FAM83C: variants seen among roughly 807,000 people sequenced by gnomAD.
FAM83C encodes scaffolding CK1 anchoring protein C.
In FAM83C, 23 loss-of-function variants were observed where a neutral mutation model predicts 27.1. That is an observed-to-expected ratio of 0.85 (90% CI 0.61 to 1.20). The LOEUF (loss-of-function observed/expected upper bound fraction) is 1.20, where lower values mean the gene tolerates loss of function less well. Among genes scored for constraint, FAM83C ranks in the 50% most tolerant of loss-of-function variants. FAM83C has a pLI of 0.00. For missense variants in FAM83C, 984 were observed against 1,001.3 expected, an observed-to-expected ratio of 0.98 and a Z score of 0.23; for synonymous variants, 426 against 423.1, an observed-to-expected ratio of 1.01 and a Z score of -0.09.
At position 35,287,786 on chromosome 20, in the gene FAM83C, GA is replaced by G; in HGVS notation, c.992del (p.Phe331SerfsTer87). 6.2e-7 allele frequency: 1 copy of G among 1,607,546 alleles called. No individual in the cohort carries two copies. Among genetic ancestry groups the G allele is most frequent in the Non-Finnish European group, 8.5e-7 (1 of 1,176,796 alleles). ...ALRPPPVALA[F>X]RPDVPSPTSS... Reference sequence around the variant, plus strand: ...ACGTGGGGCTTGGGACATCAGGCCTGAAGGCTAGGGCCACAGGGGGAGGACG... The same window carrying G: ...ACGTGGGGCTTGGGACATCAGGCCTGAGGCTAGGGCCACAGGGGGAGGACG... On this transcript the variant is annotated frameshift_variant, in exon 4 of 4. Coordinates refer to ENST00000374408, the MANE Select transcript of FAM83C (RefSeq NM_178468.6). LOFTEE classifies it low-confidence loss of function (END_TRUNC).
chr20:35,287,191 T>C lies in FAM83C; in HGVS notation c.1588A>G (p.Asn530Asp), dbSNP rs200024056. 84 of 1,610,350 alleles carry C rather than the reference T, an allele frequency of 5.2e-5. 2 individuals carry two copies. In the East Asian group the frequency reaches 1.4e-3, roughly 26 times the overall value. Residue 530 changes from asparagine to aspartate, a missense_variant, in exon 4 of 4, where the codon AAC becomes GAC. By Grantham distance (23) the Asn-to-Asp change is conservative (BLOSUM62 1). Transcript: ENST00000374408. ...VGDPDSGVTP[N>D]SGPLRPGEQA... The stretch of plus-strand genomic sequence containing the variant: ...TCGCCAGGCCGAAGGGGGCCTGAGT[T>C]GGGGGTAACCCCAGAGTCAGGGTCT...
chr20:35,291,718 G>A (rs908208109), intron 1 of FAM83C, 74 bp downstream of exon 1: 4 of 1,588,104 alleles, frequency 2.5e-6, no homozygotes, highest in Admixed American at 1.7e-5. Context: ...GTGTGGCCTT[G>A]GGCTGGTCCC....
intron 1 of FAM83C, among the ~76,000 whole-genome samples, chr20:35,290,573 C>T (rs1356885877): frequency 2.0e-5 from 3 of 152,216 alleles, no homozygotes; most frequent in Non-Finnish European, 4.4e-5. Flanking sequence ...CATTGGGCTG[C>T]AGGGCAACGC....
chr20:35,291,574 C>T (rs2060846907), intron 1 of FAM83C, among the ~76,000 whole-genome samples: 1 of 152,338 alleles, frequency 6.6e-6, no homozygotes, highest in East Asian at 1.9e-4. Flanking sequence ...GACACCCATG[C>T]CCTGTTCTAT....
At position 35,286,670 on chromosome 20, in the gene FAM83C, AC is replaced by A; in HGVS notation, c.2108del (p.Gly703ValfsTer18). 6.2e-7 allele frequency: 1 copy of A among 1,612,358 alleles called. No individual in the cohort carries two copies. Among genetic ancestry groups the A allele is most frequent in the Non-Finnish European group, 8.5e-7 (1 of 1,179,650 alleles). ...CACTGTTACCACCATTGAGATGGCC[AC>A]CCTTGGGACCCCCAGGCTCAGTTCC... is the stretch of plus-strand genomic sequence containing the variant. ...RQGTEPGGPK[G>X]GHLNGGNSDL... is the part of the protein sequence containing the mutation. On this transcript the variant is annotated frameshift_variant, in exon 4 of 4. Transcript: ENST00000374408. LOFTEE classifies it high-confidence loss of function.
chr20:35,288,285 A>G (rs1443675385), intron 3 of FAM83C, among the ~76,000 whole-genome samples, 176 bp downstream of exon 3: 1 of 152,214 alleles, frequency 6.6e-6, no homozygotes, highest in East Asian at 1.9e-4. Flanking sequence ...TCATTCCCCT[A>G]GAGTGAGCTC....
chr20:35,287,989 A>T lies in FAM83C; in HGVS notation c.807-17T>A. The T allele has an allele frequency of 6.4e-7, 1 of 1,557,204 alleles. No individual in the cohort carries two copies. The highest frequency in any genetic ancestry group is 1.4e-5 in the African/African-American group (1 of 73,884). ...CAGGTGAAGCTGGGGGCAGAGGGAC[A>T]GGGGGGTCAGGAGGCAAAGTGCAGG... On this transcript the variant is annotated splice_polypyrimidine_tract_variant and intron_variant, in intron 3 of 3. Transcript: ENST00000374408.
chr20:35,288,316 A>G, intron 3 of FAM83C, 145 bp downstream of exon 3: 5 of 1,434,608 alleles, frequency 3.5e-6, no homozygotes, highest in East Asian at 4.7e-5. Context: ...GATGCCCCCG[A>G]CACCCTCCCC....
In FAM83C at chr20:35,286,423, TG is replaced by T; in HGVS notation, c.*111del. On this transcript the variant is annotated 3_prime_UTR_variant, in exon 4 of 4. Transcript: ENST00000374408. ...TTGAGCCCAGAGAGTGTGTCTGACC[TG>T]GGTTTCTAGACACCTCCCTTCCCCA... 1 of 973,498 alleles carries T rather than the reference TG, an allele frequency of 1.0e-6. No homozygotes were observed. The highest frequency in any genetic ancestry group is 1.5e-6 in the Non-Finnish European group (1 of 671,568). 60.3% of individuals were successfully genotyped at this position (973,498 alleles called of 1,614,324 possible). A position where few individuals can be genotyped will look rare whatever the true frequency, so the allele number is the denominator to read the frequency against.
chr20:35,287,708 C>T lies in FAM83C; in HGVS notation c.1071G>A (p.Met357Ile). Residue 357 changes from methionine (M) to isoleucine (I), a missense_variant, in exon 4 of 4, where the codon ATG becomes ATA. Coordinates refer to ENST00000374408, the MANE Select transcript of FAM83C (RefSeq NM_178468.6). Reference sequence around the variant, plus strand: ...GTAGAGCGAGGTAGGAGGAGCGACCCATAAGCGGTGACTGCTTGATGCTGC... The same window carrying T: ...GTAGAGCGAGGTAGGAGGAGCGACCTATAAGCGGTGACTGCTTGATGCTGC... ...SLSSIKQSPLMGRSSYLALPG... is the reference protein window; with the variant it reads ...SLSSIKQSPLIGRSSYLALPG... 1 of 1,613,944 alleles carries T rather than the reference C, an allele frequency of 6.2e-7. No individual in the cohort carries two copies. Among genetic ancestry groups the T allele is most frequent in the Non-Finnish European group, 8.5e-7 (1 of 1,179,882 alleles).
At chr20:35,288,717 G>T in intron 2 of FAM83C, 74 bp downstream of exon 2, 1 of 1,546,118 alleles carries the variant, frequency 6.5e-7, no homozygotes, top group Non-Finnish European at 8.7e-7. Flanking sequence ...GTGCTGACTG[G>T]CCACCCACTG....
intron 1 of FAM83C, 81 bp downstream of exon 1, chr20:35,291,711 T>A: frequency 6.4e-7 from 1 of 1,565,822 alleles, no homozygotes; most frequent in Non-Finnish European, 8.7e-7. Context: ...AGTCGCTGTG[T>A]GGCCTTGGGC....
At chr20:35,289,636 C>T (rs942572197) in intron 1 of FAM83C, among the ~76,000 whole-genome samples, 6 of 152,002 alleles carry the variant, frequency 3.9e-5, no homozygotes, top group South Asian at 2.1e-4. Context: ...CACGCCCAGT[C>T]GCTAGTTTTT....
intron 3 of FAM83C, 123 bp from the exon 4 acceptor site, chr20:35,288,095 G>A: frequency 1.2e-6 from 1 of 855,408 alleles, no homozygotes; most frequent in South Asian, 1.8e-5. Flanking sequence ...CACCACGAGG[G>A]CTCACAGCGA....
At chr20:35,288,058 G>GC in intron 3 of FAM83C, 86 bp from the exon 4 acceptor site, 2 of 1,191,796 alleles carry the variant, frequency 1.7e-6, no homozygotes, top group Non-Finnish European at 2.3e-6. Flanking sequence ...TGCATACCTG[G>GC]TCCAGCACGC....
At position 35,292,115 on chromosome 20, in the gene FAM83C, T is replaced by C. The variant is rs780377080; in HGVS notation, c.190A>G (p.Ile64Val). The stretch of plus-strand genomic sequence containing the variant: ...AAGGGCAGCTCCCGCTCCTCGGAGA[T>C]GACCCGCAGGTAGGCAGCCTCACCC... The part of the protein sequence containing the change: ...ERGEAAYLRV[I>V]SEERELPFLS... Residue 64 changes from isoleucine to valine, a missense_variant, in exon 1 of 4, where the codon ATC becomes GTC. Physicochemically the swap from Ile to Val is conservative, Grantham distance 29. Coordinates refer to ENST00000374408, the MANE Select transcript of FAM83C (RefSeq NM_178468.6). 3 of 1,603,986 alleles carry C rather than the reference T, an allele frequency of 1.9e-6. No homozygotes were observed. In the East Asian group the frequency reaches 6.7e-5, roughly 36 times the overall value.
rs1277398651 is a variant in FAM83C at position 35,287,618 on chromosome 20, C to G, written c.1161G>C (p.Glu387Asp). The change falls in exon 4 of 4, where the codon GAG becomes GAC. Residue 387 changes from glutamate (E) to aspartate (D), a missense_variant. Coordinates refer to ENST00000374408, the MANE Select transcript of FAM83C (RefSeq NM_178468.6). The stretch of plus-strand genomic sequence containing the variant: ...GATGTAGGGAGGGCTGGCCACTGGC[C>G]TCACGGCGGGCAGGACCCAGGGACG... Reference protein sequence around the residue: ...VSSSLGPARREASGQPSLHRQ... With the variant: ...VSSSLGPARRDASGQPSLHRQ... 5.0e-6 allele frequency: 8 copies of G among 1,614,082 alleles called. No individual in the cohort carries two copies. The highest frequency in any genetic ancestry group is 2.2e-5 in the East Asian group (1 of 44,866).
chr20:35,290,535 T>C (rs916024460), intron 1 of FAM83C, among the ~76,000 whole-genome samples: 2 of 152,146 alleles, frequency 1.3e-5, no homozygotes, highest in Non-Finnish European at 2.9e-5. Flanking sequence ...AATGTGAAAA[T>C]GCTCAAGACA....
rs1027268106 is a variant in FAM83C at position 35,287,523 on chromosome 20, G to T, written c.1256C>A (p.Ala419Glu). The change falls in exon 4 of 4, where the codon GCA becomes GAA. Residue 419 changes from alanine (A) to glutamate (E), a missense_variant. Transcript: ENST00000374408. The stretch of plus-strand genomic sequence containing the variant: ...AGGGGAGGACTGGGACCATGGGTAT[G>T]CCCCTAGCTTGCCGAGATTGGCCCT... The part of the protein sequence containing the change: ...LYRANLGKLG[A>E]YPWSQSSPAL... 2 of 1,614,156 alleles carry T rather than the reference G, an allele frequency of 1.2e-6. No individual in the cohort carries two copies. Among genetic ancestry groups the T allele is most frequent in the Non-Finnish European group, 1.7e-6 (2 of 1,179,998 alleles).
Sources: allele counts gnomAD v4.1 joint callset (sites outside exome capture counted in the v4.1 genomes callset), GRCh38; gene constraint gnomAD v4.1.1; transcripts MANE v1.5; gene names NCBI Gene and HGNC (gene_info 2026-07-23, HGNC 2026-07-21).